The following TATDN1 variants were observed in gnomAD, a reference collection of about 807,000 sequenced individuals.
TATDN1 encodes the protein TatD DNase domain containing 1, also known as deoxyribonuclease TATDN1.
Under a neutral mutation model 46.4 loss-of-function variants are expected in TATDN1, and 40 were observed. The observed-to-expected ratio is 0.86, with a 90% CI of 0.67 to 1.12. The LOEUF is 1.12. TATDN1 is among the 50% of genes most tolerant of loss of function. The pLI is 0.00. For missense variants in TATDN1, 326 were observed against 348.4 expected, an observed-to-expected ratio of 0.94 and a Z score of 0.51; for synonymous variants, 95 against 105.6, an observed-to-expected ratio of 0.90 and a Z score of 0.62.
chr8:124,518,847 T>TA lies in TATDN1; in HGVS notation c.172_173insT (p.Lys58IlefsTer26), dbSNP rs1819780794. 1.2e-6 allele frequency: 2 copies of TA among 1,612,096 alleles called. No homozygotes were observed. The highest frequency in any genetic ancestry group is 2.7e-5 in the African/African-American group (2 of 74,896). ...TGTTTGTGCCAAATGCAGTGCATCT[T>TA]TACTGTCTTGTAGATTTCCACCTGT... On this transcript the variant is annotated frameshift_variant, in exon 4 of 12. Transcript: ENST00000276692. LOFTEE classifies it high-confidence loss of function.
intron 9 of TATDN1, among the ~76,000 whole-genome samples, chr8:124,498,584 C>T (rs2131368209): frequency 6.6e-6 from 1 of 152,226 alleles, no homozygotes; most frequent in South Asian, 2.1e-4. Context: ...TTTTGCTAGA[C>T]TTGCTCCCAT....
intron 1 of TATDN1, among the ~76,000 whole-genome samples, chr8:124,531,560 C>T (rs767309317): frequency 6.6e-6 from 1 of 152,170 alleles, no homozygotes; most frequent in Admixed American, 6.5e-5. Flanking sequence ...TCTCAAGCAG[C>T]ATTTTGGCCA....
intron 3 of TATDN1, chr8:124,521,716 C>A: frequency 6.5e-6 from 1 of 154,046 alleles, no homozygotes; most frequent in Non-Finnish European, 1.4e-5. Context: ...AAGCCGTAGG[C>A]ATTTTATTAC....
At chr8:124,505,002 G>C (rs893589916) in intron 8 of TATDN1, among the ~76,000 whole-genome samples, 1 of 150,184 alleles carries the variant, frequency 6.7e-6, no homozygotes, top group African/African-American at 2.4e-5. Flanking sequence ...TGATTCGCCC[G>C]CCTCGGCCTC....
chr8:124,507,752 T>C (rs1033027173), intron 8 of TATDN1, among the ~76,000 whole-genome samples: 6 of 147,804 alleles, frequency 4.1e-5, no homozygotes, highest in Non-Finnish European at 5.9e-5. Flanking sequence ...CACTTCAGCC[T>C]GGATGACAGA....
chr8:124,502,923 G>A (rs1257907110), intron 9 of TATDN1, among the ~76,000 whole-genome samples: 1 of 152,190 alleles, frequency 6.6e-6, no homozygotes, highest in Non-Finnish European at 1.5e-5. Context: ...AGGGTTGCTT[G>A]AGCCTGGGAG....
intron 8 of TATDN1, among the ~76,000 whole-genome samples, chr8:124,505,252 C>T (rs187157965): frequency 1.3e-5 from 2 of 151,264 alleles, no homozygotes; most frequent in Non-Finnish European, 2.9e-5. Context: ...GGCATGGTGG[C>T]GCATGCTTGT....
At chr8:124,505,075 G>A (rs1422541116) in intron 8 of TATDN1, among the ~76,000 whole-genome samples, 1 of 150,952 alleles carries the variant, frequency 6.6e-6, no homozygotes, top group Non-Finnish European at 1.5e-5. Context: ...TTTTGTGGAA[G>A]AGAAATTACT....
intron 11 of TATDN1, among the ~76,000 whole-genome samples, chr8:124,493,292 G>T (rs891516853): frequency 9.2e-5 from 14 of 152,168 alleles, no homozygotes; most frequent in African/African-American, 2.9e-4. Flanking sequence ...GCAAACAAAA[G>T]AAATTGGATT....
In TATDN1 at chr8:124,518,845, C is replaced by A; in HGVS notation, c.175G>T (p.Asp59Tyr). The change falls in exon 4 of 12, where the codon GAT (aspartate) becomes TAT (tyrosine). Residue 59 changes from aspartate to tyrosine, a missense_variant. Transcript: ENST00000276692. ...TTTGTTTGTGCCAAATGCAGTGCAT[C>A]TTTACTGTCTTGTAGATTTCCACCT... ...ITGGNLQDSK[D>Y]ALHLAQTNGM... 1 of 1,611,446 alleles carries A rather than the reference C, an allele frequency of 6.2e-7. No individual in the cohort carries two copies. The highest frequency in any genetic ancestry group is 1.1e-5 in the South Asian group (1 of 90,774).
rs142390345 is a variant in TATDN1, at chr8:124,528,350, T to C, written c.23-5348A>G. 3.9e-3 allele frequency among the ~76,000 whole-genome samples: 589 copies of C among 152,150 alleles called. 5 individuals carry two copies. Among genetic ancestry groups the C allele is most frequent in the African/African-American group, 0.014 (570 of 41,502 alleles). On this transcript the variant is annotated intron_variant, in intron 1 of 11. Coordinates refer to ENST00000276692, the MANE Select transcript of TATDN1 (RefSeq NM_032026.4). ...CGCCACACCCGGCTAATTTTTTGTA[T>C]TTTTAGTAGAGACGGGGTTTCACCA...
In TATDN1 at chr8:124,534,960, A is replaced by G. The variant is rs80167591; in HGVS notation, c.22+4065T>C. Among the ~76,000 whole-genome samples the G allele has an allele frequency of 4.1e-3, 618 of 152,342 alleles. 5 individuals are homozygous for G. The highest frequency in any genetic ancestry group is 0.014 in the African/African-American group (580 of 41,568). On this transcript the variant is annotated intron_variant, in intron 1 of 11. Transcript: ENST00000276692. Reference sequence around the variant, plus strand: ...CCATTCAAAAACGGCCAGGTGGAAGAGACACATAGAGACATGTATGGGTTT... The same window carrying G: ...CCATTCAAAAACGGCCAGGTGGAAGGGACACATAGAGACATGTATGGGTTT...
At chr8:124,506,493 A>G (rs1818446256) in intron 8 of TATDN1, among the ~76,000 whole-genome samples, 1 of 152,200 alleles carries the variant, frequency 6.6e-6, no homozygotes, top group African/African-American at 2.4e-5. Flanking sequence ...CAGTTCCTAC[A>G]GGATAAATTA....
intron 3 of TATDN1, among the ~76,000 whole-genome samples, chr8:124,519,524 CA>C (rs1197910769): frequency 6.6e-6 from 1 of 152,108 alleles, no homozygotes; most frequent in Non-Finnish European, 1.5e-5. Flanking sequence ...ACTTATTTTT[CA>C]TAAAAATATG....
intron 11 of TATDN1, 142 bp from the exon 12 acceptor site, chr8:124,488,838 A>G (rs533359953): frequency 3.2e-6 from 2 of 620,256 alleles, no homozygotes; most frequent in East Asian, 3.0e-5. Context: ...TTTTTCAGCA[A>G]TATCAATAGA....
At chr8:124,524,644 C>G (rs1820329080) in intron 1 of TATDN1, among the ~76,000 whole-genome samples, 1 of 152,152 alleles carries the variant, frequency 6.6e-6, no homozygotes, top group Admixed American at 6.5e-5. Context: ...TAACACTTGT[C>G]AAAGACTCTG....
chr8:124,491,853 C>T (rs532335164), intron 11 of TATDN1, among the ~76,000 whole-genome samples: 1 of 152,122 alleles, frequency 6.6e-6, no homozygotes, highest in South Asian at 2.1e-4. Context: ...TCATAATTAG[C>T]AGTAGATTAG....
chr8:124,523,202 C>G (rs1820207123), intron 1 of TATDN1, 200 bp from the exon 2 acceptor site: 1 of 561,758 alleles, frequency 1.8e-6, no homozygotes. Context: ...TTTCAAGAAA[C>G]TCACCGCAGA....
chr8:124,516,916 A>G (rs1207835956), intron 4 of TATDN1, among the ~76,000 whole-genome samples: 2 of 152,192 alleles, frequency 1.3e-5, no homozygotes, highest in Admixed American at 6.5e-5. Context: ...AAAGGTATCA[A>G]GCTTTCCTCA....
Sources: gnomAD v4.1 joint callset for allele counts (sites outside exome capture counted in the v4.1 genomes callset) on GRCh38, gnomAD v4.1.1 for gene constraint, MANE v1.5 for transcripts, NCBI Gene and HGNC (gene_info 2026-07-23, HGNC 2026-07-21) for gene names.